Variants in XPOT observed in about 807,000 individuals in gnomAD.
XPOT encodes the protein exportin-T.
A neutral mutation model predicts 128.2 loss-of-function variants in XPOT; 34 were observed. That is an observed-to-expected ratio of 0.27 (90% CI 0.20 to 0.35). The LOEUF is 0.35. Among genes scored for constraint, XPOT ranks in the 10% least tolerant of loss-of-function variants. The pLI, the probability that XPOT is intolerant of heterozygous loss-of-function variation, is 1.00. For missense variants in XPOT, 838 were observed against 1,125.3 expected, an observed-to-expected ratio of 0.74 and a Z score of 3.65; for synonymous variants, 348 against 394.3, an observed-to-expected ratio of 0.88 and a Z score of 1.39.
intron 22 of XPOT, among the ~76,000 whole-genome samples, chr12:64,438,129 CAGTA>C (rs1345853462): frequency 5.3e-5 from 8 of 152,138 alleles, no homozygotes; most frequent in Non-Finnish European, 7.4e-5. Context: ...TGAAAGGAAA[CAGTA>C]AGGATGGTAT....
chr12:64,414,696 C>G (rs1014635732), intron 2 of XPOT, among the ~76,000 whole-genome samples: 2 of 152,184 alleles, frequency 1.3e-5, no homozygotes, highest in Admixed American at 6.5e-5. Flanking sequence ...GTTTGATTAT[C>G]TAACTGATGG....
chr12:64,443,551 T>C (rs1276821048), intron 23 of XPOT, among the ~76,000 whole-genome samples: 1 of 151,950 alleles, frequency 6.6e-6, no homozygotes, highest in Admixed American at 6.6e-5. Flanking sequence ...GCCTCCCGGG[T>C]TTAAGCAATT....
intron 4 of XPOT, among the ~76,000 whole-genome samples, chr12:64,416,961 C>T (rs998435355): frequency 2.6e-5 from 4 of 152,108 alleles, no homozygotes; most frequent in African/African-American, 4.8e-5. Context: ...GCCTGTAATC[C>T]GAGCACTTTG....
intron 23 of XPOT, among the ~76,000 whole-genome samples, chr12:64,441,888 C>T (rs2040327766): frequency 6.6e-6 from 1 of 151,686 alleles, no homozygotes; most frequent in African/African-American, 2.4e-5. Context: ...TAGTAGAGAC[C>T]AGGCTGGTCT....
intron 11 of XPOT, among the ~76,000 whole-genome samples, chr12:64,424,202 G>A (rs1251725077): frequency 6.6e-6 from 1 of 152,114 alleles, no homozygotes; most frequent in African/African-American, 2.4e-5. Context: ...AATAAATAAG[G>A]TGCAAAGAAT....
chr12:64,435,596 A>G (rs2040275924), intron 21 of XPOT, 31 bp from the exon 22 acceptor site: 8 of 1,575,324 alleles, frequency 5.1e-6, no homozygotes, highest in Non-Finnish European at 6.9e-6. Flanking sequence ...AGAATTGAAT[A>G]TATAGAAATT....
At chr12:64,424,982 A>C in intron 12 of XPOT, 56 bp from the exon 13 acceptor site, 1 of 1,602,596 alleles carries the variant, frequency 6.2e-7, no homozygotes, top group Non-Finnish European at 8.5e-7. Flanking sequence ...CCTGTGCATA[A>C]TTTGCTGTAT....
chr12:64,425,622 TTG>T lies in XPOT; in HGVS notation c.1572+168_1572+169del, dbSNP rs2040185656. ...CCTCCATTTCTTTTAAATGGATAGT[TTG>T]TGCCCAATTAGTCAACTAAAACAAG... On this transcript the variant is annotated intron_variant, in intron 14 of 24. Coordinates refer to ENST00000332707, the MANE Select transcript of XPOT (RefSeq NM_007235.6). 4 of 1,013,100 alleles carry T rather than the reference TTG, an allele frequency of 3.9e-6. No homozygotes were observed. In the South Asian group the frequency reaches 6.4e-5, roughly 16 times the overall value. 62.8% of individuals were successfully genotyped at this position (1,013,100 alleles called of 1,614,324 possible).
At chr12:64,425,598 C>G (rs946689674) in intron 14 of XPOT, 141 bp downstream of exon 14, 10 of 1,156,940 alleles carry the variant, frequency 8.6e-6, no homozygotes, top group Non-Finnish European at 1.2e-5. Flanking sequence ...GTAACCCCTC[C>G]TCCATTTCTT....
At chr12:64,435,794 A>G in intron 22 of XPOT, 120 bp downstream of exon 22, 1 of 932,002 alleles carries the variant, frequency 1.1e-6, no homozygotes, top group South Asian at 2.3e-5. Context: ...GATGTGGGGA[A>G]AGGGGATGAA....
rs2039957199 is a variant in XPOT, at chr12:64,404,466, A to G, written c.-413A>G. 1 of 157,902 alleles carries G rather than the reference A, an allele frequency of 6.3e-6. No individual in the cohort carries two copies. Among genetic ancestry groups the G allele is most frequent in the Non-Finnish European group, 1.4e-5 (1 of 73,110 alleles). 9.8% of individuals were successfully genotyped at this position (157,902 alleles called of 1,614,324 possible). A position where few individuals can be genotyped will look rare whatever the true frequency, so the allele number is the denominator to read the frequency against. ...CGGGGAGCGCGCTTCGCGCTGACTCAGCGGCGGCGGCGGCTGCGGCGGCGG... is the reference window on the plus strand; with the variant it reads ...CGGGGAGCGCGCTTCGCGCTGACTCGGCGGCGGCGGCGGCTGCGGCGGCGG... On this transcript the variant is annotated 5_prime_UTR_variant, in exon 1 of 25. Transcript: ENST00000332707.
chr12:64,432,713 G>T (rs1029205315), intron 18 of XPOT, among the ~76,000 whole-genome samples: 3 of 152,142 alleles, frequency 2.0e-5, no homozygotes, highest in African/African-American at 7.2e-5. Context: ...GAGTTCATTT[G>T]TAAGCAAGTA....
At chr12:64,428,163 G>A (rs1592334189) in intron 16 of XPOT, 43 bp downstream of exon 16, 1 of 1,335,018 alleles carries the variant, frequency 7.5e-7, no homozygotes. Context: ...AGAATTCATT[G>A]AAGCCACACG....
At chr12:64,415,079 T>TA (rs2040075722) in intron 3 of XPOT, 90 bp downstream of exon 3, 1 of 813,620 alleles carries the variant, frequency 1.2e-6, no homozygotes, top group African/African-American at 1.7e-5. Context: ...AGTGTTTTCA[T>TA]AAAAACATTT....
chr12:64,413,375 C>T (rs1049963814), intron 2 of XPOT, among the ~76,000 whole-genome samples: 1 of 152,082 alleles, frequency 6.6e-6, no homozygotes, highest in African/African-American at 2.4e-5. Context: ...CCCACCTTGA[C>T]CCCCCAGAGT....
At chr12:64,431,096 A>G (rs1197007887) in intron 17 of XPOT, among the ~76,000 whole-genome samples, 1 of 152,052 alleles carries the variant, frequency 6.6e-6, no homozygotes, top group African/African-American at 2.4e-5. Context: ...GGCATGTGCT[A>G]CCACACCCAG....
At chr12:64,436,612 C>T (rs1467934950) in intron 22 of XPOT, among the ~76,000 whole-genome samples, 2 of 151,750 alleles carry the variant, frequency 1.3e-5, no homozygotes, top group Admixed American at 1.3e-4. Flanking sequence ...GTAGGTTCTC[C>T]CTGTGTTACC....
rs955446616 is a variant in XPOT at position 64,415,251 on chromosome 12, A to G, written c.143+262A>G. 3.1e-4 allele frequency among the ~76,000 whole-genome samples: 47 copies of G among 152,100 alleles called. 1 individual carries two copies. Among genetic ancestry groups the G allele is most frequent in the Non-Finnish European group, 1.0e-4 (7 of 68,024 alleles). On this transcript the variant is annotated intron_variant, in intron 3 of 24. Transcript: ENST00000332707. ...TGTCACCAGATCCCAGCTGGAATAA[A>G]GTGCAGTAAAAACTTCCTTATCTTA...
chr12:64,406,154 C>G (rs1376722452), intron 1 of XPOT, among the ~76,000 whole-genome samples: 1 of 152,226 alleles, frequency 6.6e-6, no homozygotes, highest in Non-Finnish European at 1.5e-5. Flanking sequence ...CCGCTCACTG[C>G]AACCTCCCCC....
Sources: allele counts gnomAD v4.1 joint callset (sites outside exome capture counted in the v4.1 genomes callset), GRCh38; gene constraint gnomAD v4.1.1; transcripts MANE v1.5; gene names NCBI Gene and HGNC (gene_info 2026-07-23, HGNC 2026-07-21).